CCNB3: variants seen among roughly 807,000 people sequenced by gnomAD.
CCNB3 encodes the protein G2/mitotic-specific cyclin-B3.
In CCNB3, 12 loss-of-function variants were observed where a neutral mutation model predicts 68.0. The observed-to-expected ratio is 0.18, with a 90% CI of 0.11 to 0.29. The LOEUF is 0.29. Among genes scored for constraint, CCNB3 ranks in the 10% least tolerant of loss-of-function variants. The probability of loss-of-function intolerance (pLI) is 1.00; values close to 1 mark genes in which losing one functional copy is unlikely to be tolerated. For synonymous variants in CCNB3, 354 were observed against 388.9 expected (o/e 0.91, Z 1.06); for missense variants, 904 against 993.1 (o/e 0.91, Z 1.21).
At chrX:50,297,464 G>A (rs1277991465) in intron 5 of CCNB3, among the ~76,000 whole-genome samples, 1 of 111,169 alleles carries the variant, frequency 9.0e-6, no homozygotes, top group African/African-American at 3.3e-5. Flanking sequence ...ATTTCTGAGG[G>A]CTCTGTTCTG....
chrX:50,347,687 A>G lies in CCNB3; in HGVS notation c.3872A>G (p.Gln1291Arg). Residue 1291 changes from glutamine (Q) to arginine (R), a missense_variant, in exon 11 of 13, where the codon CAG (glutamine) becomes CGG (arginine). By Grantham distance (43) the Gln-to-Arg change is conservative. Transcript: ENST00000376042. ...LSRYICEMTL[Q>R]EYHYVQEKAS... ...CGCTACATCTGCGAGATGACCCTGCAGGAATACCACTATGTCCAGGAGAAG... is the reference window on the plus strand; with the variant it reads ...CGCTACATCTGCGAGATGACCCTGCGGGAATACCACTATGTCCAGGAGAAG... 1.7e-6 allele frequency: 2 copies of G among 1,211,099 alleles called. No homozygotes were observed. Among genetic ancestry groups the G allele is most frequent in the Non-Finnish European group, 2.2e-6 (2 of 895,096 alleles).
chrX:50,295,419 C>A (rs1456201732), intron 5 of CCNB3, among the ~76,000 whole-genome samples: 1 of 111,371 alleles, frequency 9.0e-6, no homozygotes, highest in African/African-American at 3.3e-5. Context: ...AAATTACTAT[C>A]TCCCTAGAGC....
chrX:50,291,667 G>C (rs141386792), intron 4 of CCNB3, among the ~76,000 whole-genome samples: 1 of 112,015 alleles, frequency 8.9e-6, no homozygotes, highest in East Asian at 2.8e-4. Flanking sequence ...GTACCTGTAT[G>C]TATGGCAAGT....
chrX:50,280,020 G>A (rs1184397973), intron 1 of CCNB3, among the ~76,000 whole-genome samples: 1 of 73,823 alleles, frequency 1.4e-5, no homozygotes, highest in African/African-American at 5.5e-5. Flanking sequence ...TAAATATATA[G>A]AATATATATA....
chrX:50,218,192 T>C (rs1935610683), intron 1 of CCNB3, among the ~76,000 whole-genome samples: 1 of 111,896 alleles, frequency 8.9e-6, no homozygotes, highest in South Asian at 3.7e-4. Context: ...ATTTTCATGG[T>C]TAGTGGTCAT....
intron 1 of CCNB3, among the ~76,000 whole-genome samples, chrX:50,280,794 C>T (rs1357498762): frequency 9.0e-6 from 1 of 110,952 alleles, no homozygotes; most frequent in East Asian, 2.8e-4. Flanking sequence ...GGGTCTCAGT[C>T]TGTCACCCAG....
At chrX:50,305,960 G>C (rs782569073) in intron 5 of CCNB3, among the ~76,000 whole-genome samples, 10 of 81,002 alleles carry the variant, frequency 1.2e-4, no homozygotes, top group Non-Finnish European at 2.4e-4. Flanking sequence ...TTTTTTTTTC[G>C]TATTTTTGTA....
intron 11 of CCNB3, 95 bp from the exon 12 acceptor site, chrX:50,351,146 A>T: frequency 1.0e-6 from 1 of 997,461 alleles, no homozygotes; most frequent in Non-Finnish European, 1.4e-6. Context: ...ATCTCTGTTT[A>T]AACCATGTGT....
At chrX:50,303,452 GTT>G (rs369109105) in intron 5 of CCNB3, among the ~76,000 whole-genome samples, 2,405 of 99,787 alleles carry the variant, frequency 0.024, 62 homozygotes, top group African/African-American at 0.083. Context: ...AGCTGGCAGT[GTT>G]TTTTTTTTTT....
intron 1 of CCNB3, among the ~76,000 whole-genome samples, chrX:50,228,668 A>G (rs1935981268): frequency 1.3e-5 from 1 of 77,943 alleles, no homozygotes; most frequent in South Asian, 6.2e-4. Context: ...TAGAATATAT[A>G]TAGAATATAT....
intron 4 of CCNB3, among the ~76,000 whole-genome samples, chrX:50,294,032 C>T (rs1936397416): frequency 9.0e-6 from 1 of 111,361 alleles, no homozygotes; most frequent in African/African-American, 3.3e-5. Flanking sequence ...ACCTCCCGGA[C>T]TCAAGCAATC....
intron 4 of CCNB3, among the ~76,000 whole-genome samples, chrX:50,291,605 G>C (rs1936348710): frequency 8.9e-6 from 1 of 111,808 alleles, no homozygotes; most frequent in Non-Finnish European, 1.9e-5. Flanking sequence ...GAATTATGGG[G>C]AAGTACAAGT....
chrX:50,279,524 GAT>G (rs1486662898), intron 1 of CCNB3, among the ~76,000 whole-genome samples: 21 of 78,888 alleles, frequency 2.7e-4, no homozygotes, highest in African/African-American at 1.0e-3. Context: ...TTCATATAAA[GAT>G]ATATGAATAT....
chrX:50,309,369 A>G lies in CCNB3; in HGVS notation c.1200A>G (p.Pro400=), dbSNP rs1557214171. The G allele has an allele frequency of 1.7e-6, 2 of 1,211,649 alleles. No individual in the cohort carries two copies. Among genetic ancestry groups the G allele is most frequent in the South Asian group, 3.5e-5 (2 of 56,949 alleles). ...MTEGKRSRLK[P]LVLQEITSGE... ...AGGGGAAGAGGTCCCGTCTGAAGCC[A>G]TTAGTATTGCAGGAGATCACCTCTG... The change falls in exon 6 of 13, where the codon CCA becomes CCG. Residue 400 remains proline, a synonymous_variant. Transcript: ENST00000376042.
chrX:50,286,979 A>G (rs997210738), intron 3 of CCNB3, among the ~76,000 whole-genome samples: 2 of 111,880 alleles, frequency 1.8e-5, no homozygotes, highest in African/African-American at 6.5e-5. Flanking sequence ...TCTCTGCTGG[A>G]TTGGTTTATT....
At chrX:50,325,167 A>G (rs1602236955) in intron 8 of CCNB3, among the ~76,000 whole-genome samples, 1 of 111,675 alleles carries the variant, frequency 9.0e-6, no homozygotes, top group East Asian at 2.8e-4. Flanking sequence ...AAAGCCTAAG[A>G]GCAGTATGGT....
chrX:50,222,139 T>C (rs1935683395), intron 1 of CCNB3, among the ~76,000 whole-genome samples: 1 of 111,454 alleles, frequency 9.0e-6, no homozygotes, highest in Non-Finnish European at 1.9e-5. Context: ...TCCATCCCTT[T>C]ATTTTGAGCC....
intron 8 of CCNB3, among the ~76,000 whole-genome samples, chrX:50,339,040 G>A (rs782061926): frequency 3.6e-5 from 4 of 112,443 alleles, no homozygotes; most frequent in African/African-American, 1.3e-4. Context: ...GGCAATTTTT[G>A]CACTGCTGCA....
chrX:50,223,013 A>T (rs1277320201), intron 1 of CCNB3, among the ~76,000 whole-genome samples: 6 of 109,626 alleles, frequency 5.5e-5, no homozygotes, highest in Non-Finnish European at 9.5e-5. Flanking sequence ...CATTAAGTTG[A>T]TCTTCAATCT....
Sources: gnomAD v4.1 joint callset for allele counts (sites outside exome capture counted in the v4.1 genomes callset) on GRCh38, gnomAD v4.1.1 for gene constraint, MANE v1.5 for transcripts, NCBI Gene and HGNC (gene_info 2026-07-23, HGNC 2026-07-21) for gene names.